SPATS1: variants seen among roughly 807,000 people sequenced by gnomAD.
SPATS1 encodes the protein spermatogenesis associated serine rich 1.
A neutral mutation model predicts 33.6 loss-of-function variants in SPATS1; 23 were observed. The observed-to-expected ratio is 0.68, with a 90% CI of 0.49 to 0.97. SPATS1 has a LOEUF of 0.97. Ranked by LOEUF, SPATS1 falls within the 50% of genes least tolerant of loss-of-function variation. The pLI is 0.00. For missense variants in SPATS1, 327 were observed against 361.0 expected, an observed-to-expected ratio of 0.91 and a Z score of 0.76; for synonymous variants, 131 against 125.6, an observed-to-expected ratio of 1.04 and a Z score of -0.29.
At chr6:44,376,079 C>T (rs1789928820) in intron 7 of SPATS1, among the ~76,000 whole-genome samples, 1 of 151,842 alleles carries the variant, frequency 6.6e-6, no homozygotes, top group Non-Finnish European at 1.5e-5. Context: ...GCATTCCAGC[C>T]TGGGCGATGG....
At chr6:44,375,198 C>T (rs1419791688) in intron 7 of SPATS1, among the ~76,000 whole-genome samples, 1 of 152,180 alleles carries the variant, frequency 6.6e-6, no homozygotes, top group Non-Finnish European at 1.5e-5. Context: ...ATTCTGAAGA[C>T]AGCTTAAGGA....
At chr6:44,345,130 G>A (rs1262890351) in intron 2 of SPATS1, among the ~76,000 whole-genome samples, 1 of 152,078 alleles carries the variant, frequency 6.6e-6, no homozygotes, top group Non-Finnish European at 1.5e-5. Flanking sequence ...GTTCAGGCTT[G>A]CAATTCCAGC....
intron 3 of SPATS1, among the ~76,000 whole-genome samples, chr6:44,358,756 C>G (rs554321307): frequency 6.6e-6 from 1 of 152,304 alleles, no homozygotes; most frequent in South Asian, 2.1e-4. Flanking sequence ...AACCATTAAT[C>G]TACTTTTGTC....
intron 2 of SPATS1, among the ~76,000 whole-genome samples, chr6:44,348,170 G>A (rs899292196): frequency 3.9e-5 from 6 of 152,016 alleles, no homozygotes; most frequent in East Asian, 3.9e-4. Context: ...CACCATGCCC[G>A]GCTGATTTTT....
At position 44,342,667 on chromosome 6, in the gene SPATS1, G is replaced by A. The variant is rs2153363675; in HGVS notation, c.-102G>A. ...GCAACCCCGGAACGCGCCTCTGTGGGAGAAGCAGGCGGCTGCGGTGTCCCT... is the reference window on the plus strand; with the variant it reads ...GCAACCCCGGAACGCGCCTCTGTGGAAGAAGCAGGCGGCTGCGGTGTCCCT... On this transcript the variant is annotated 5_prime_UTR_variant, in exon 1 of 9. Coordinates refer to ENST00000674044, the MANE Select transcript of SPATS1 (RefSeq NM_001372081.1). 2.2e-6 allele frequency: 1 copy of A among 456,732 alleles called. No individual in the cohort carries two copies. Among genetic ancestry groups the A allele is most frequent in the East Asian group, 6.9e-5 (1 of 14,418 alleles). 28.3% of individuals were successfully genotyped at this position (456,732 alleles called of 1,614,324 possible). A position where few individuals can be genotyped will look rare whatever the true frequency, so the allele number is the denominator to read the frequency against.
chr6:44,361,523 T>C, intron 4 of SPATS1: 1 of 985,412 alleles, frequency 1.0e-6, no homozygotes, highest in South Asian at 4.7e-5. Flanking sequence ...CTTGTAAGAC[T>C]GTCTCTGAGC....
At chr6:44,347,941 T>C (rs1787999350) in intron 2 of SPATS1, among the ~76,000 whole-genome samples, 1 of 152,082 alleles carries the variant, frequency 6.6e-6, no homozygotes, top group South Asian at 2.1e-4. Flanking sequence ...GCTTAATTTC[T>C]TTATCTGTAA....
At chr6:44,352,441 G>A (rs1349048363) in intron 2 of SPATS1, among the ~76,000 whole-genome samples, 6 of 152,126 alleles carry the variant, frequency 3.9e-5, no homozygotes, top group Admixed American at 2.0e-4. Context: ...CCACCACGCC[G>A]GGCCTAGATG....
At chr6:44,347,835 G>A (rs989726491) in intron 2 of SPATS1, among the ~76,000 whole-genome samples, 1 of 151,664 alleles carries the variant, frequency 6.6e-6, no homozygotes, top group East Asian at 1.9e-4. Context: ...TAGGGTTTTT[G>A]TCAGTACTGT....
At position 44,360,470 on chromosome 6, in the gene SPATS1, A is replaced by G. The variant is rs1167585236; in HGVS notation, c.312A>G (p.Lys104=). The G allele has an allele frequency of 6.2e-7, 1 of 1,614,010 alleles. No homozygotes were observed. The highest frequency in any genetic ancestry group is 8.5e-7 in the Non-Finnish European group (1 of 1,179,988). The change falls in exon 4 of 9, where the codon AAA becomes AAG. Residue 104 remains lysine (K), a synonymous_variant. Transcript: ENST00000674044. ...GCACCACTGCTGACTTGGATCGGAA[A>G]CTCTCCTTCTCACATTCTGATCACT... ...YVDTTADLDR[K]LSFSHSDHSS...
chr6:44,345,104 G>A (rs750608420), intron 2 of SPATS1, among the ~76,000 whole-genome samples: 4 of 151,978 alleles, frequency 2.6e-5, no homozygotes, highest in Non-Finnish European at 4.4e-5. Context: ...TAGTATTAGC[G>A]TCAGTATTAG....
intron 3 of SPATS1, among the ~76,000 whole-genome samples, chr6:44,353,177 G>A (rs535439271): frequency 6.6e-5 from 10 of 152,302 alleles, no homozygotes; most frequent in Non-Finnish European, 1.2e-4. Context: ...CAAGTTCTGT[G>A]TAAGTGCTTG....
At chr6:44,371,944 C>CAAA (rs1217507871) in intron 7 of SPATS1, among the ~76,000 whole-genome samples, 1 of 67,750 alleles carries the variant, frequency 1.5e-5, no homozygotes, top group African/African-American at 6.1e-5. Flanking sequence ...GACTCCGTCT[C>CAAA]AAAAAAAAAA....
At chr6:44,362,872 CTT>C (rs1490022152) in intron 5 of SPATS1, among the ~76,000 whole-genome samples, 1 of 151,456 alleles carries the variant, frequency 6.6e-6, no homozygotes, top group Non-Finnish European at 1.5e-5. Context: ...GAGTTTCGCT[CTT>C]GTTGCCCAGG....
intron 8 of SPATS1, among the ~76,000 whole-genome samples, chr6:44,376,783 A>G (rs1443281345): frequency 1.3e-5 from 2 of 152,176 alleles, no homozygotes; most frequent in African/African-American, 4.8e-5. Flanking sequence ...CCTGGGCAAC[A>G]GAGCGAAACT....
intron 2 of SPATS1, among the ~76,000 whole-genome samples, chr6:44,351,122 C>CAAAAAA (rs34139961): frequency 1.1e-3 from 84 of 75,426 alleles, no homozygotes; most frequent in Non-Finnish European, 1.3e-3. Flanking sequence ...GACTCTGTGT[C>CAAAAAA]AAAAAAAAAA....
At position 44,344,631 on chromosome 6, in the gene SPATS1, T is replaced by G. The variant is rs533692473; in HGVS notation, c.139+1397T>G. Among the ~76,000 whole-genome samples the G allele has an allele frequency of 2.0e-5, 3 of 152,130 alleles. 1 individual carries two copies. ...TATTTTTCTCCCTGCCAGACAGAGCTATTATGACAATCAGCTGAGATGACA... is the reference window on the plus strand; with the variant it reads ...TATTTTTCTCCCTGCCAGACAGAGCGATTATGACAATCAGCTGAGATGACA... On this transcript the variant is annotated intron_variant, in intron 2 of 8. Coordinates refer to ENST00000674044, the MANE Select transcript of SPATS1 (RefSeq NM_001372081.1).
chr6:44,346,906 C>T (rs936969521), intron 2 of SPATS1, among the ~76,000 whole-genome samples: 9 of 152,186 alleles, frequency 5.9e-5, no homozygotes, highest in African/African-American at 2.2e-4. Context: ...AATCATTCTA[C>T]TGTAAAGACA....
intron 3 of SPATS1, among the ~76,000 whole-genome samples, chr6:44,356,688 T>C (rs943357887): frequency 6.6e-6 from 1 of 152,172 alleles, no homozygotes; most frequent in African/African-American, 2.4e-5. Context: ...CAGTTCCTTG[T>C]CTCTACAGAG....
Sources: gnomAD v4.1 joint callset for allele counts (sites outside exome capture counted in the v4.1 genomes callset) on GRCh38, gnomAD v4.1.1 for gene constraint, MANE v1.5 for transcripts, NCBI Gene and HGNC (gene_info 2026-07-23, HGNC 2026-07-21) for gene names.